Variants in NCAPD3 observed in about 807,000 individuals in gnomAD.
The protein encoded by NCAPD3 is non-SMC condensin II complex subunit D3.
In NCAPD3, 105 loss-of-function variants were observed where a neutral mutation model predicts 182.9. That is an observed-to-expected ratio of 0.57 (90% CI 0.49 to 0.68). The LOEUF is 0.68. NCAPD3 is among the 30% of genes least tolerant of loss of function. NCAPD3 has a pLI of 0.00. For missense variants in NCAPD3, 1,944 were observed against 1,837.0 expected, an observed-to-expected ratio of 1.06 and a Z score of -1.07; for synonymous variants, 815 against 679.9, an observed-to-expected ratio of 1.20 and a Z score of -3.09.
chr11:134,175,017 T>C (rs745676390), intron 24 of NCAPD3, among the ~76,000 whole-genome samples: 8 of 152,268 alleles, frequency 5.3e-5, no homozygotes, highest in Middle Eastern at 3.4e-3. Flanking sequence ...ATAAAAGGGA[T>C]AGATTAAGGG....
intron 24 of NCAPD3, among the ~76,000 whole-genome samples, chr11:134,172,889 G>A (rs530316379): frequency 6.6e-6 from 1 of 151,102 alleles, no homozygotes; most frequent in Admixed American, 6.6e-5. Flanking sequence ...CTATTTGGGA[G>A]GATGAGGTGG....
chr11:134,152,136 G>GACTC lies in NCAPD3; in HGVS notation c.*804_*807dup, dbSNP rs1195505442. On this transcript the variant is annotated 3_prime_UTR_variant, in exon 35 of 35. Coordinates refer to ENST00000534548, the MANE Select transcript of NCAPD3 (RefSeq NM_015261.3). ...TTTACCCACTAGTGCTAACAGAAGA[G>GACTC]ACTCAAGCTGTTCCCCCATCATGGG... 1 of 152,258 alleles carries GACTC rather than the reference G, an allele frequency of 6.6e-6. No individual in the cohort carries two copies. The highest frequency in any genetic ancestry group is 2.4e-5 in the African/African-American group (1 of 41,470). The allele number at this position is 152,258 out of a possible 1,614,324, so 9.4% of individuals were successfully genotyped here. A position where few individuals can be genotyped will look rare whatever the true frequency, so the allele number is the denominator to read the frequency against.
At position 134,206,689 on chromosome 11, in the gene NCAPD3, A is replaced by G. The variant is rs2136015487; in HGVS notation, c.926T>C (p.Met309Thr). 1 of 1,613,368 alleles carries G rather than the reference A, an allele frequency of 6.2e-7. No homozygotes were observed. Among genetic ancestry groups the G allele is most frequent in the Non-Finnish European group, 8.5e-7 (1 of 1,179,552 alleles). The stretch of plus-strand genomic sequence containing the variant: ...ATGGGATCCTTCACCAACTTCTAAC[A>G]TTAATATTACACTGAGCATTTGATG... The part of the protein sequence containing the change: ...VFHQMLSVIL[M>T]LEVGEGSHRA... The change falls in exon 8 of 35, where the codon ATG becomes ACG. Residue 309 changes from methionine to threonine, a missense_variant. Met to Thr is a moderately conservative substitution (Grantham distance 81, BLOSUM62 -1). This residue lies in a region of NCAPD3 where 1,803 missense variants were observed against 1,674.6 expected (regional missense o/e 1.08). Coordinates refer to ENST00000534548, the MANE Select transcript of NCAPD3 (RefSeq NM_015261.3).
rs940223092 is a variant in NCAPD3 at position 134,209,537 on chromosome 11, T to C, written c.568-60A>G. On this transcript the variant is annotated intron_variant, in intron 4 of 34. Coordinates refer to ENST00000534548, the MANE Select transcript of NCAPD3 (RefSeq NM_015261.3). ...AAATGCCAAACACTTTGTCCCATGG[T>C]TTTCAATTTACCCAAACCAAGCCCA... The C allele has an allele frequency of 7.3e-6, 11 of 1,510,284 alleles. No homozygotes were observed. In the African/African-American group the frequency reaches 1.4e-4, roughly 19 times the overall value. The allele number at this position is 1,510,284 out of a possible 1,614,324, so 93.6% of individuals were successfully genotyped here. A position where few individuals can be genotyped will look rare whatever the true frequency, so the allele number is the denominator to read the frequency against.
chr11:134,183,117 C>T (rs894713596), intron 19 of NCAPD3: 1 of 456,312 alleles, frequency 2.2e-6, no homozygotes, highest in Non-Finnish European at 4.4e-6. Context: ...TAGGCCCTGA[C>T]TGCGCGCTGT....
In NCAPD3 at chr11:134,194,701, C is replaced by A; in HGVS notation, c.1653G>T (p.Arg551Ser). Residue 551 changes from arginine to serine, a missense_variant, in exon 14 of 35, where the codon AGG becomes AGT. Transcript: ENST00000534548. ...CVMAMLRRRI[R>S]DEKTNVRKSA... ...ACTTCCTAACGTTGGTCTTCTCATC[C>A]CTGATCCTCCTTCTCAGCATTGCCA... is the stretch of plus-strand genomic sequence containing the variant. 1 of 1,610,012 alleles carries A rather than the reference C, an allele frequency of 6.2e-7. No homozygotes were observed. Among genetic ancestry groups the A allele is most frequent in the Non-Finnish European group, 8.5e-7 (1 of 1,178,022 alleles).
upstream of NCAPD3, chr11:134,224,067 G>T: frequency 9.7e-7 from 1 of 1,035,438 alleles, no homozygotes; most frequent in Non-Finnish European, 1.4e-6. Context: ...GTTTCCATTC[G>T]CTCAACCAAT....
At chr11:134,191,879 T>C (rs1944531856) in intron 16 of NCAPD3, among the ~76,000 whole-genome samples, 1 of 152,234 alleles carries the variant, frequency 6.6e-6, no homozygotes, top group African/African-American at 2.4e-5. Context: ...AAGGTGATTT[T>C]ATTTTTCGCC....
At chr11:134,171,936 A>G (rs1451981265) in intron 24 of NCAPD3, among the ~76,000 whole-genome samples, 1 of 152,044 alleles carries the variant, frequency 6.6e-6, no homozygotes, top group Non-Finnish European at 1.5e-5. Context: ...TCACCCACCA[A>G]ATGTTCACGG....
intron 27 of NCAPD3, among the ~76,000 whole-genome samples, chr11:134,166,760 CGTGAG>C (rs1327734044): frequency 2.1e-5 from 2 of 97,116 alleles, no homozygotes; most frequent in Non-Finnish European, 3.9e-5. Context: ...GGCGCACACT[CGTGAG>C]ATGAGCTTGG....
intron 24 of NCAPD3, among the ~76,000 whole-genome samples, chr11:134,173,939 C>T (rs139150736): frequency 0.027 from 4,024 of 149,706 alleles, 78 homozygotes; most frequent in Non-Finnish European, 0.039. Flanking sequence ...CCAGCCTGGG[C>T]GACAGAACAA....
intron 16 of NCAPD3, among the ~76,000 whole-genome samples, chr11:134,189,434 C>G (rs1329068255): frequency 6.6e-6 from 1 of 152,200 alleles, no homozygotes; most frequent in Admixed American, 6.5e-5. Context: ...ACATTTCCTT[C>G]TAAGTACTCC....
intron 23 of NCAPD3, 23 bp from the exon 24 acceptor site, chr11:134,176,409 G>A (rs750960987): frequency 6.2e-7 from 1 of 1,602,848 alleles, no homozygotes; most frequent in South Asian, 1.1e-5. Flanking sequence ...AAGCCGGCAT[G>A]TTTCAGAGTG....
intron 31 of NCAPD3, 42 bp from the exon 32 acceptor site, chr11:134,157,137 C>G: frequency 6.6e-7 from 1 of 1,508,296 alleles, no homozygotes; most frequent in Non-Finnish European, 9.1e-7. Flanking sequence ...TACCCCCAAA[C>G]AATAACGAAG....
upstream of NCAPD3, chr11:134,224,963 C>G (rs1938408931): frequency 2.2e-6 from 1 of 449,594 alleles, no homozygotes; most frequent in Admixed American, 5.1e-5. Context: ...GCCGGCTGTC[C>G]GTCGGCGCCC....
intron 3 of NCAPD3, among the ~76,000 whole-genome samples, chr11:134,214,037 T>C (rs1440347101): frequency 6.6e-6 from 1 of 151,932 alleles, no homozygotes; most frequent in Non-Finnish European, 1.5e-5. Flanking sequence ...AGGAAGCATA[T>C]GTAAGTCTTG....
chr11:134,185,072 T>C (rs1473602187), intron 17 of NCAPD3, 72 bp from the exon 18 acceptor site: 2 of 1,227,146 alleles, frequency 1.6e-6, no homozygotes, highest in Non-Finnish European at 2.4e-6. Context: ...GCCTTTCTTC[T>C]GGATTAATAA....
In NCAPD3 at chr11:134,204,820, C is replaced by A; in HGVS notation, c.1089+79G>T. 1 of 1,177,682 alleles carries A rather than the reference C, an allele frequency of 8.5e-7. No individual in the cohort carries two copies. Among genetic ancestry groups the A allele is most frequent in the East Asian group, 2.4e-5 (1 of 41,184 alleles). 73.0% of individuals were successfully genotyped at this position (1,177,682 alleles called of 1,614,324 possible). On this transcript the variant is annotated intron_variant, in intron 9 of 34. Coordinates refer to ENST00000534548, the MANE Select transcript of NCAPD3 (RefSeq NM_015261.3). The surrounding 1 kb of genome is among the most constrained non-coding windows in gnomAD (Gnocchi z 4.3). ...ACTCATTCCCAAGAACAAATACCCA[C>A]ACTCACACACACACACACACATTTA...
At chr11:134,221,189 C>G (rs1435129964) in intron 1 of NCAPD3, among the ~76,000 whole-genome samples, 1 of 152,088 alleles carries the variant, frequency 6.6e-6, no homozygotes, top group Non-Finnish European at 1.5e-5. Context: ...TATAATTTCT[C>G]CAGGAAGTTT....
Sources: allele counts gnomAD v4.1 joint callset (sites outside exome capture counted in the v4.1 genomes callset), GRCh38; gene constraint gnomAD v4.1.1; regional missense constraint gnomAD v4.1.1; non-coding constraint Gnocchi (gnomAD v3.1); transcripts MANE v1.5; gene names NCBI Gene and HGNC (gene_info 2026-07-23, HGNC 2026-07-21).